GPATCH8: variants seen among roughly 807,000 people sequenced by gnomAD.
GPATCH8 encodes the protein G-patch domain containing 8.
In GPATCH8, 18 loss-of-function variants were observed where a neutral mutation model predicts 118.3. That is an observed-to-expected ratio of 0.15 (90% CI 0.11 to 0.23). The LOEUF (loss-of-function observed/expected upper bound fraction) is 0.23. Ranked by LOEUF, GPATCH8 falls within the 10% of genes least tolerant of loss-of-function variation. The probability of loss-of-function intolerance (pLI) is 1.00; values close to 1 mark genes in which losing one functional copy is unlikely to be tolerated. For missense variants in GPATCH8, 1,631 were observed against 1,873.8 expected (o/e 0.87, Z 2.39); for synonymous variants, 659 against 684.7 (o/e 0.96, Z 0.59).
chr17:44,455,695 A>C (rs1158909090), intron 3 of GPATCH8, among the ~76,000 whole-genome samples: 2 of 152,156 alleles, frequency 1.3e-5, no homozygotes, highest in Non-Finnish European at 2.9e-5. Flanking sequence ...AGCTTCTGTA[A>C]AGACTTCAGA....
At chr17:44,448,658 C>G (rs1275837099) in intron 3 of GPATCH8, among the ~76,000 whole-genome samples, 1 of 151,938 alleles carries the variant, frequency 6.6e-6, no homozygotes, top group African/African-American at 2.4e-5. Flanking sequence ...ACACTCCACT[C>G]TCTTGCCTAA....
intron 1 of GPATCH8, among the ~76,000 whole-genome samples, chr17:44,482,855 C>G (rs1191413682): frequency 1.2e-5 from 1 of 81,756 alleles, no homozygotes. Flanking sequence ...TAGAAGTTAA[C>G]TCTTAGAAAT....
At chr17:44,489,552 C>A (rs1027385780) in intron 1 of GPATCH8, among the ~76,000 whole-genome samples, 3 of 152,100 alleles carry the variant, frequency 2.0e-5, no homozygotes, top group African/African-American at 7.2e-5. Context: ...GTTGGCCAGG[C>A]TGGTCTTGAA....
chr17:44,464,197 C>CAA (rs1345628374), intron 3 of GPATCH8, among the ~76,000 whole-genome samples: 1 of 149,578 alleles, frequency 6.7e-6, no homozygotes, highest in Non-Finnish European at 1.5e-5. Flanking sequence ...TCACCTCCAC[C>CAA]AAAAAAAAAA....
At chr17:44,439,862 C>G (rs1404020233) in intron 3 of GPATCH8, among the ~76,000 whole-genome samples, 2 of 151,596 alleles carry the variant, frequency 1.3e-5, no homozygotes, top group African/African-American at 2.4e-5. Flanking sequence ...CAGCTCACCA[C>G]AGCCTCCACC....
intron 5 of GPATCH8, among the ~76,000 whole-genome samples, chr17:44,424,709 A>G (rs556901483): frequency 6.6e-6 from 1 of 152,348 alleles, no homozygotes; most frequent in African/African-American, 2.4e-5. Context: ...AATGTTTAAA[A>G]GGACTAAGGA....
chr17:44,426,600 T>C (rs2050096048), intron 5 of GPATCH8, among the ~76,000 whole-genome samples: 2 of 85,548 alleles, frequency 2.3e-5, no homozygotes, highest in Non-Finnish European at 4.6e-5. Context: ...TGAGACCTTG[T>C]CTCAAAAAAA....
intron 3 of GPATCH8, chr17:44,445,859 G>A (rs1004920518): frequency 3.3e-5 from 5 of 152,268 alleles, no homozygotes; most frequent in African/African-American, 1.2e-4. Context: ...TACTTGTAAA[G>A]AGTGGCAACA....
At chr17:44,488,609 G>C (rs113146332) in intron 1 of GPATCH8, among the ~76,000 whole-genome samples, 3,115 of 150,748 alleles carry the variant, frequency 0.021, 45 homozygotes, top group Non-Finnish European at 0.034. Flanking sequence ...GACCTCAGGT[G>C]ATCTGCCTGC....
intron 6 of GPATCH8, among the ~76,000 whole-genome samples, chr17:44,417,737 T>C (rs552779302): frequency 1.3e-5 from 2 of 152,220 alleles, no homozygotes. Context: ...TTACAGGAGT[T>C]TGGCAGGTAA....
In GPATCH8 at chr17:44,399,343, C is replaced by G. The variant is rs777675107; in HGVS notation, c.2734G>C (p.Asp912His). ...RRHSKRSHDSDDSDYASSKHR... is the reference protein window; with the variant it reads ...RRHSKRSHDSHDSDYASSKHR... ...TTGGAGCTGGCATAGTCTGAGTCATCTGAGTCATGGGAGCGCTTGGAGTGC... is the reference window on the plus strand; with the variant it reads ...TTGGAGCTGGCATAGTCTGAGTCATGTGAGTCATGGGAGCGCTTGGAGTGC... Residue 912 changes from aspartate to histidine, a missense_variant, in exon 8 of 8, where the codon GAT (aspartate) becomes CAT (histidine). This residue lies in a region of GPATCH8 where 922 missense variants were observed against 879.7 expected (regional missense o/e 1.05). Coordinates refer to ENST00000591680, the MANE Select transcript of GPATCH8 (RefSeq NM_001002909.4). The G allele has an allele frequency of 6.2e-6, 10 of 1,614,032 alleles. No homozygotes were observed. Among genetic ancestry groups the G allele is most frequent in the Non-Finnish European group, 8.5e-6 (10 of 1,179,998 alleles).
At chr17:44,500,614 C>T (rs1189008059) in intron 1 of GPATCH8, among the ~76,000 whole-genome samples, 3 of 152,084 alleles carry the variant, frequency 2.0e-5, no homozygotes, top group African/African-American at 4.8e-5. Context: ...CTTGATAAAC[C>T]GGTAAAGAGT....
chr17:44,480,786 G>A (rs1351683204), intron 1 of GPATCH8, among the ~76,000 whole-genome samples: 1 of 151,844 alleles, frequency 6.6e-6, no homozygotes, highest in Non-Finnish European at 1.5e-5. Flanking sequence ...CAGGAGAATC[G>A]CTTGAACCCG....
rs1384914575 is a variant in GPATCH8 at position 44,404,296 on chromosome 17, C to A, written c.623+1625G>T. On this transcript the variant is annotated intron_variant, in intron 7 of 7. Transcript: ENST00000591680. ...GGGACTACAGGCATGTGCCACCATGCCCGGCTAATTTTTAAGATTTTTTTT... is the reference window on the plus strand; with the variant it reads ...GGGACTACAGGCATGTGCCACCATGACCGGCTAATTTTTAAGATTTTTTTT... Among the ~76,000 whole-genome samples the A allele has an allele frequency of 2.6e-5, 4 of 152,032 alleles. No homozygotes were observed. The East Asian group carries it at 7.7e-4, about 29-fold the overall frequency.
At position 44,395,638 on chromosome 17, in the gene GPATCH8, G is replaced by A; in HGVS notation, c.*1930C>T. 2.2e-6 allele frequency: 1 copy of A among 454,180 alleles called. No individual in the cohort carries two copies. The highest frequency in any genetic ancestry group is 4.4e-6 in the Non-Finnish European group (1 of 226,776). The allele number at this position is 454,180 out of a possible 1,614,324, so 28.1% of individuals were successfully genotyped here. A position where few individuals can be genotyped will look rare whatever the true frequency, so the allele number is the denominator to read the frequency against. On this transcript the variant is annotated 3_prime_UTR_variant, in exon 8 of 8. Transcript: ENST00000591680. ...GAAGTGATGCTTCTGAATCAGATGAGTACTGAACAGGTAGGAGGGTGGGAG... is the reference window on the plus strand; with the variant it reads ...GAAGTGATGCTTCTGAATCAGATGAATACTGAACAGGTAGGAGGGTGGGAG...
intron 4 of GPATCH8, 82 bp from the exon 5 acceptor site, chr17:44,435,233 A>T: frequency 1.3e-6 from 1 of 751,708 alleles, no homozygotes; most frequent in Non-Finnish European, 2.4e-6. Context: ...GCACAACTAC[A>T]GTATTATCTG....
chr17:44,428,490 C>T (rs1199811613), intron 5 of GPATCH8, among the ~76,000 whole-genome samples: 2 of 145,458 alleles, frequency 1.4e-5, no homozygotes, highest in Non-Finnish European at 3.0e-5. Context: ...GAGACTCCAT[C>T]TCAATTAAAA....
rs2048993542 is a variant in GPATCH8, at chr17:44,400,881, G to T, written c.1196C>A (p.Pro399Gln). 6.2e-7 allele frequency: 1 copy of T among 1,613,318 alleles called. No individual in the cohort carries two copies. The highest frequency in any genetic ancestry group is 8.5e-7 in the Non-Finnish European group (1 of 1,179,248). Residue 399 changes from proline (P) to glutamine (Q), a missense_variant, in exon 8 of 8, where the codon CCA becomes CAA. Coordinates refer to ENST00000591680, the MANE Select transcript of GPATCH8 (RefSeq NM_001002909.4). Reference sequence around the variant, plus strand: ...ATTAGGTTTTACTTTGCAGTGTGCTGGGGGGATGTAGTGGTAATACTCAGG... The same window carrying T: ...ATTAGGTTTTACTTTGCAGTGTGCTTGGGGGATGTAGTGGTAATACTCAGG... The part of the protein sequence containing the change: ...TEPEYYHYIP[P>Q]AHCKVKPNFP...
intron 5 of GPATCH8, among the ~76,000 whole-genome samples, chr17:44,430,051 C>CCAAA (rs1157069067): frequency 4.0e-5 from 6 of 151,856 alleles, no homozygotes; most frequent in Non-Finnish European, 7.4e-5. Context: ...TCAAAACCAA[C>CCAAA]CAACCAACCA....
Sources: allele counts gnomAD v4.1 joint callset (sites outside exome capture counted in the v4.1 genomes callset), GRCh38; gene constraint gnomAD v4.1.1; regional missense constraint gnomAD v4.1.1; transcripts MANE v1.5; gene names NCBI Gene and HGNC (gene_info 2026-07-23, HGNC 2026-07-21).